The following KCNMA1 variants were observed in gnomAD, a reference collection of about 807,000 sequenced individuals.
KCNMA1 encodes the protein Calcium-activated potassium channel subunit alpha-1.
KCNMA1 carries 29 observed loss-of-function variants against 140.0 expected under a neutral mutation model. That is an observed-to-expected ratio of 0.21 (90% CI 0.15 to 0.28). The LOEUF (loss-of-function observed/expected upper bound fraction) is 0.28, where lower values mean the gene tolerates loss of function less well. Ranked by LOEUF, KCNMA1 falls within the 10% of genes least tolerant of loss-of-function variation. The pLI, the probability that KCNMA1 is intolerant of heterozygous loss-of-function variation, is 1.00. For synonymous variants in KCNMA1, 612 were observed against 611.9 expected (o/e 1.00, Z 0.00); for missense variants, 880 against 1,602.2 (o/e 0.55, Z 7.70).
chr10:77,274,934 C>A (rs1377704817), intron 2 of KCNMA1, among the ~76,000 whole-genome samples: 4 of 152,212 alleles, frequency 2.6e-5, no homozygotes, highest in African/African-American at 7.2e-5. Flanking sequence ...GATGGGGCAG[C>A]CTTGGCTGGC....
intron 1 of KCNMA1, among the ~76,000 whole-genome samples, chr10:77,599,596 G>C (rs1250996950): frequency 6.6e-6 from 1 of 152,196 alleles, no homozygotes; most frequent in East Asian, 1.9e-4. Context: ...AGAGATTTCA[G>C]TAGCTATCTG....
intron 2 of KCNMA1, among the ~76,000 whole-genome samples, chr10:77,396,336 C>CAG (rs904660549): frequency 2.0e-5 from 3 of 151,494 alleles, no homozygotes; most frequent in Non-Finnish European, 4.4e-5. Flanking sequence ...GAGACAGAGA[C>CAG]AGAGAGAGAG....
At chr10:77,412,632 A>T (rs935047812) in intron 1 of KCNMA1, among the ~76,000 whole-genome samples, 3 of 152,130 alleles carry the variant, frequency 2.0e-5, no homozygotes, top group African/African-American at 7.2e-5. Flanking sequence ...CTGTACCTTG[A>T]GGCCCAGCAT....
chr10:76,886,308 A>G lies in KCNMA1; in HGVS notation c.*958T>C. ...ACTTGCTCTTTCCTGAGCATTATTT[A>G]TTCTGTACATAAGGTAAGTAATTCA... is the stretch of plus-strand genomic sequence containing the variant. On this transcript the variant is annotated 3_prime_UTR_variant, in exon 28 of 28. Coordinates refer to ENST00000286628, the MANE Select transcript of KCNMA1 (RefSeq NM_001161352.2). The G allele has an allele frequency of 1.0e-6, 1 of 985,412 alleles. No individual in the cohort carries two copies. 61.0% of individuals were successfully genotyped at this position (985,412 alleles called of 1,614,324 possible).
chr10:77,259,879 T>A (rs1011275744), intron 2 of KCNMA1, among the ~76,000 whole-genome samples: 3 of 152,250 alleles, frequency 2.0e-5, no homozygotes, highest in Admixed American at 1.3e-4. Context: ...CGGGTGTGTG[T>A]CCATTTTTAG....
intron 1 of KCNMA1, among the ~76,000 whole-genome samples, chr10:77,425,316 T>G (rs2096959564): frequency 2.0e-5 from 3 of 152,208 alleles, no homozygotes; most frequent in Non-Finnish European, 4.4e-5. Context: ...CCACCCCAGT[T>G]TCCCTAAATG....
intron 5 of KCNMA1, among the ~76,000 whole-genome samples, chr10:77,132,752 G>C (rs1428193373): frequency 6.6e-6 from 1 of 152,058 alleles, no homozygotes; most frequent in Non-Finnish European, 1.5e-5. Context: ...GGCTTCACTG[G>C]TTGCAAGAAA....
intron 19 of KCNMA1, among the ~76,000 whole-genome samples, chr10:76,996,133 A>G (rs1479525698): frequency 6.6e-6 from 1 of 152,216 alleles, no homozygotes; most frequent in East Asian, 1.9e-4. Flanking sequence ...AACTGAAACA[A>G]CCAGCTATTT....
intron 23 of KCNMA1, among the ~76,000 whole-genome samples, chr10:76,916,017 A>AAC (rs71649417): frequency 0.042 from 6,093 of 146,250 alleles, 289 homozygotes; most frequent in African/African-American, 0.12. Flanking sequence ...TATACACATA[A>AAC]ACACACACAC....
At chr10:77,469,050 A>G (rs1160716774) in intron 1 of KCNMA1, among the ~76,000 whole-genome samples, 1 of 152,178 alleles carries the variant, frequency 6.6e-6, no homozygotes, top group Non-Finnish European at 1.5e-5. Flanking sequence ...CAAGCACCTT[A>G]AGGTTGAATG....
intron 2 of KCNMA1, among the ~76,000 whole-genome samples, chr10:77,387,381 A>G (rs1406589913): frequency 6.6e-6 from 1 of 152,176 alleles, no homozygotes; most frequent in Non-Finnish European, 1.5e-5. Context: ...TGACCAAATG[A>G]CCTTGGACAA....
At chr10:76,948,037 T>C (rs959877666) in intron 22 of KCNMA1, among the ~76,000 whole-genome samples, 7 of 152,182 alleles carry the variant, frequency 4.6e-5, no homozygotes, top group Non-Finnish European at 8.8e-5. Flanking sequence ...CAGGCTCTTG[T>C]TCTGTTGCCC....
chr10:77,368,511 T>C (rs1315818804), intron 2 of KCNMA1, among the ~76,000 whole-genome samples: 1 of 152,238 alleles, frequency 6.6e-6, no homozygotes, highest in Non-Finnish European at 1.5e-5. Flanking sequence ...ATTCTCATAA[T>C]AGTATCTTTC....
At chr10:77,595,347 A>T (rs2080547350) in intron 1 of KCNMA1, among the ~76,000 whole-genome samples, 1 of 3,626 alleles carries the variant, frequency 2.8e-4, no homozygotes, top group Admixed American at 2.4e-3. Context: ...ACTCTGTCTC[A>T]AAAAAAAAAA....
At chr10:77,377,989 A>C (rs1661093732) in intron 2 of KCNMA1, among the ~76,000 whole-genome samples, 1 of 152,238 alleles carries the variant, frequency 6.6e-6, no homozygotes, top group African/African-American at 2.4e-5. Flanking sequence ...CCAGCATCAC[A>C]AATACATGAG....
intron 2 of KCNMA1, among the ~76,000 whole-genome samples, chr10:77,401,047 C>A (rs287199): frequency 6.6e-6 from 1 of 152,008 alleles, no homozygotes; most frequent in Non-Finnish European, 1.5e-5. Context: ...TGTCCTATAG[C>A]CTCCAAGCTC....
At chr10:76,945,305 T>C (rs969161286) in intron 22 of KCNMA1, among the ~76,000 whole-genome samples, 1 of 152,162 alleles carries the variant, frequency 6.6e-6, no homozygotes, top group Non-Finnish European at 1.5e-5. Context: ...GGAAATTGTC[T>C]TGATTTAAGT....
intron 2 of KCNMA1, among the ~76,000 whole-genome samples, chr10:77,363,947 T>C (rs1337103345): frequency 6.6e-6 from 1 of 152,188 alleles, no homozygotes; most frequent in Non-Finnish European, 1.5e-5. Context: ...GTGTTTATTG[T>C]CCTCGCTCTC....
At chr10:77,520,013 A>G (rs1603632222) in intron 1 of KCNMA1, among the ~76,000 whole-genome samples, 1 of 87,662 alleles carries the variant, frequency 1.1e-5, no homozygotes, top group Non-Finnish European at 2.3e-5. Context: ...ATGCAGTGTG[A>G]GGGCTGGGGT....
Sources: allele counts gnomAD v4.1 joint callset (sites outside exome capture counted in the v4.1 genomes callset), GRCh38; gene constraint gnomAD v4.1.1; transcripts MANE v1.5; gene names NCBI Gene and HGNC (gene_info 2026-07-23, HGNC 2026-07-21).